PTPRA: variants seen among roughly 807,000 people sequenced by gnomAD.
PTPRA encodes the protein protein tyrosine phosphatase receptor type A.
PTPRA carries 25 observed loss-of-function variants against 104.8 expected under a neutral mutation model. The observed-to-expected ratio is 0.24, with a 90% CI of 0.17 to 0.33. The LOEUF (loss-of-function observed/expected upper bound fraction) is 0.33, where lower values mean the gene tolerates loss of function less well. Ranked by LOEUF, PTPRA falls within the 10% of genes least tolerant of loss-of-function variation. The probability of loss-of-function intolerance (pLI) is 1.00; values close to 1 mark genes in which losing one functional copy is unlikely to be tolerated. For synonymous variants in PTPRA, 323 were observed against 368.9 expected, an observed-to-expected ratio of 0.88 and a Z score of 1.43; for missense variants, 765 against 1,015.3, an observed-to-expected ratio of 0.75 and a Z score of 3.35.
At chr20:2,869,294 C>G (rs2089400212), upstream of PTPRA, among the ~76,000 whole-genome samples, 1 of 152,072 alleles carries the variant, frequency 6.6e-6, no homozygotes, top group South Asian at 2.1e-4. Context: ...CTTCAGTATG[C>G]ATTTCAATAA....
chr20:2,992,542 C>A (rs891702515), intron 9 of PTPRA, among the ~76,000 whole-genome samples: 5 of 152,008 alleles, frequency 3.3e-5, no homozygotes, highest in African/African-American at 7.2e-5. Context: ...AACAAAAAAA[C>A]CCCTAGTTTA....
At chr20:3,029,405 T>C (rs1345883398) in intron 20 of PTPRA, among the ~76,000 whole-genome samples, 1 of 152,050 alleles carries the variant, frequency 6.6e-6, no homozygotes, top group Non-Finnish European at 1.5e-5. Flanking sequence ...TGACCCAAAG[T>C]GCTAGGATTA....
chr20:2,913,664 T>G (rs1232029769), intron 1 of PTPRA, among the ~76,000 whole-genome samples: 1 of 126,954 alleles, frequency 7.9e-6, no homozygotes, highest in Non-Finnish European at 1.8e-5. Flanking sequence ...TTGTGCTGTG[T>G]TCTTATTTTA....
chr20:3,022,018 A>G lies in PTPRA; in HGVS notation c.1162-36A>G. 1.2e-6 allele frequency: 2 copies of G among 1,611,792 alleles called. No individual in the cohort carries two copies. Among genetic ancestry groups the G allele is most frequent in the Non-Finnish European group, 1.7e-6 (2 of 1,178,328 alleles). On this transcript the variant is annotated intron_variant, in intron 14 of 23. Transcript: ENST00000399903. This position sits in a 1 kb window ranked among gnomAD's most constrained non-coding sequence, Gnocchi z 4.6. Reference sequence around the variant, plus strand: ...CCCCTGGTACTGCCCACCCTTGGGTATCAGGGCCAACACACAGGATCTCCT... The same window carrying G: ...CCCCTGGTACTGCCCACCCTTGGGTGTCAGGGCCAACACACAGGATCTCCT...
At chr20:3,015,303 C>CTTT (rs778457233) in intron 11 of PTPRA, among the ~76,000 whole-genome samples, 2 of 134,644 alleles carry the variant, frequency 1.5e-5, no homozygotes, top group African/African-American at 2.8e-5. Context: ...CTTTCTTTTT[C>CTTT]TTTTTTTTTT....
At chr20:2,930,633 G>T (rs1359844201) in intron 2 of PTPRA, among the ~76,000 whole-genome samples, 1 of 152,104 alleles carries the variant, frequency 6.6e-6, no homozygotes, top group Non-Finnish European at 1.5e-5. Context: ...TATTTGGATT[G>T]TAAATGATCA....
chr20:2,914,040 C>T (rs952560245), intron 1 of PTPRA, among the ~76,000 whole-genome samples: 3 of 152,098 alleles, frequency 2.0e-5, no homozygotes, highest in East Asian at 1.9e-4. Context: ...TATGGACTTA[C>T]GGATTCATAT....
intron 1 of PTPRA, among the ~76,000 whole-genome samples, chr20:2,912,057 A>C (rs528985696): frequency 6.6e-6 from 1 of 152,046 alleles, no homozygotes; most frequent in South Asian, 2.1e-4. Flanking sequence ...AGCCTGGGCA[A>C]CCTGGTGAAA....
upstream of PTPRA, among the ~76,000 whole-genome samples, chr20:2,872,642 C>G (rs530604663): frequency 1.3e-5 from 2 of 152,340 alleles, no homozygotes; most frequent in South Asian, 2.1e-4. This position sits in a 1 kb window ranked among gnomAD's most constrained non-coding sequence, Gnocchi z 7.9. Context: ...GCAGCACCCG[C>G]GGGGATCCGT....
chr20:2,911,715 G>A (rs955636585), intron 1 of PTPRA, among the ~76,000 whole-genome samples: 36 of 152,252 alleles, frequency 2.4e-4, no homozygotes, highest in African/African-American at 7.7e-4. Flanking sequence ...AATATAAATA[G>A]TAAATATGAG....
intron 1 of PTPRA, among the ~76,000 whole-genome samples, chr20:2,886,067 TAAAA>T (rs1438148387): frequency 6.6e-6 from 1 of 151,964 alleles, no homozygotes; most frequent in African/African-American, 2.4e-5. Flanking sequence ...TTGGAAAAAA[TAAAA>T]AAGACTTGAA....
At chr20:3,029,540 C>CTTTTTTTGTTTTTTTTT (rs2065322734) in intron 20 of PTPRA, among the ~76,000 whole-genome samples, 1 of 78,084 alleles carries the variant, frequency 1.3e-5, no homozygotes, top group African/African-American at 5.5e-5. Context: ...TCTTCATCAT[C>CTTTTTTTGTTTTTTTTT]TTTTTTTTTT....
rs182638538 is a variant in PTPRA at position 2,953,411 on chromosome 20, G to A, written c.-7+5387G>A. The stretch of plus-strand genomic sequence containing the variant: ...TGGGACTACAGGCGCGCGTTACCAC[G>A]CCTGGCTAATTTTTTGTATTTTTAG... On this transcript the variant is annotated intron_variant, in intron 3 of 23. Coordinates refer to ENST00000399903, the MANE Select transcript of PTPRA (RefSeq NM_001385305.1). Among the ~76,000 whole-genome samples, 24 of 150,830 alleles carry A rather than the reference G, an allele frequency of 1.6e-4. No homozygotes were observed. The East Asian group carries it at 4.7e-3, about 30-fold the overall frequency.
At chr20:2,886,978 T>A (rs1401286982) in intron 1 of PTPRA, among the ~76,000 whole-genome samples, 1 of 152,148 alleles carries the variant, frequency 6.6e-6, no homozygotes, top group East Asian at 1.9e-4. Flanking sequence ...AAGGAAATAT[T>A]TGTATAATGG....
chr20:2,865,321 G>A, the PTPRA span: 1 of 1,614,176 alleles, frequency 6.2e-7, no homozygotes, highest in South Asian at 1.1e-5. The surrounding 1 kb of genome is among the most constrained non-coding windows in gnomAD (Gnocchi z 5.2). Context: ...ACAAGAGGTA[G>A]GTGAGGGCCC....
chr20:2,932,451 G>T (rs182257044), intron 2 of PTPRA, among the ~76,000 whole-genome samples: 1 of 152,126 alleles, frequency 6.6e-6, no homozygotes, highest in Non-Finnish European at 1.5e-5. Flanking sequence ...TGTAAACAAA[G>T]GGGTATGAGG....
intron 11 of PTPRA, among the ~76,000 whole-genome samples, chr20:3,014,984 C>G (rs2064364177): frequency 6.6e-6 from 1 of 152,184 alleles, no homozygotes; most frequent in African/African-American, 2.4e-5. Context: ...TTGAGTGGCA[C>G]CCCAGGCTCC....
intron 3 of PTPRA, among the ~76,000 whole-genome samples, chr20:2,949,473 C>T (rs549359766): frequency 1.1e-4 from 17 of 151,714 alleles, no homozygotes; most frequent in African/African-American, 3.4e-4. Context: ...TAAAATTTTT[C>T]GTAGAGACAA....
chr20:2,910,148 ATAC>A (rs1330680717), intron 1 of PTPRA, among the ~76,000 whole-genome samples: 5 of 97,528 alleles, frequency 5.1e-5, no homozygotes, highest in African/African-American at 1.5e-4. Flanking sequence ...AACATCATAT[ATAC>A]TATACGTCAT....
Sources: allele counts gnomAD v4.1 joint callset (sites outside exome capture counted in the v4.1 genomes callset), GRCh38; gene constraint gnomAD v4.1.1; non-coding constraint Gnocchi (gnomAD v3.1); transcripts MANE v1.5; gene names NCBI Gene and HGNC (gene_info 2026-07-23, HGNC 2026-07-21).